CDK5: variants seen among roughly 807,000 people sequenced by gnomAD.
The protein encoded by CDK5 is cyclin-dependent kinase 5.
A neutral mutation model predicts 44.6 loss-of-function variants in CDK5; 18 were observed. That is an observed-to-expected ratio of 0.40 (90% confidence interval 0.28 to 0.60). CDK5 has a LOEUF of 0.60. Ranked by LOEUF, CDK5 falls within the 20% of genes least tolerant of loss-of-function variation. CDK5 has a pLI of 0.38. For missense variants in CDK5, 198 were observed against 368.1 expected (o/e 0.54, Z 3.78); for synonymous variants, 143 against 152.8 (o/e 0.94, Z 0.47).
In CDK5 at chr7:151,057,159, G is replaced by T; in HGVS notation, c.39C>A (p.Gly13=). Residue 13 remains glycine, a splice_region_variant and synonymous_variant, in exon 2 of 12, where the codon GGC becomes GGA. Transcript: ENST00000485972. The surrounding 1 kb of genome is among the most constrained non-coding windows in gnomAD (Gnocchi z 5.2). ...KYEKLEKIGE[G]TYGTVFKAKN... ...TGGCCTTGAACACAGTTCCGTAGGTGCCTAGGGGAAGGAGGTCAGGGGTCA... is the reference window on the plus strand; with the variant it reads ...TGGCCTTGAACACAGTTCCGTAGGTTCCTAGGGGAAGGAGGTCAGGGGTCA... 1 of 1,613,458 alleles carries T rather than the reference G, an allele frequency of 6.2e-7. No individual in the cohort carries two copies. Among genetic ancestry groups the T allele is most frequent in the Middle Eastern group, 1.7e-4 (1 of 6,060 alleles).
At position 151,054,198 on chromosome 7, in the gene CDK5, C is replaced by T; in HGVS notation, c.792+14G>A. 3 of 1,609,380 alleles carry T rather than the reference C, an allele frequency of 1.9e-6. No individual in the cohort carries two copies. Among genetic ancestry groups the T allele is most frequent in the Non-Finnish European group, 2.5e-6 (3 of 1,177,776 alleles). On this transcript the variant is annotated intron_variant, in intron 11 of 11. Transcript: ENST00000485972. The surrounding 1 kb of genome is among the most constrained non-coding windows in gnomAD (Gnocchi z 5.7). ...GCAAGTGTCCTGACCCACCCTCTAC[C>T]CCTGGTCACCTACCTGCAGCAGATC...
At position 151,055,776 on chromosome 7, in the gene CDK5, G is replaced by A; in HGVS notation, c.385C>T (p.Pro129Ser). ...SRNVLHRDLK[P>S]QNLLINRNGE... ...ACCCTGTTTATTAGCAGGTTCTGGG[G>A]CTTCAGGTCCCTGTGTAGCACATTG... Residue 129 changes from proline (P) to serine (S), a missense_variant, in exon 6 of 12, where the codon CCC becomes TCC. Physicochemically the swap from Pro to Ser is moderately conservative, Grantham distance 74. Transcript: ENST00000485972. 6.2e-7 allele frequency: 1 copy of A among 1,612,288 alleles called. No homozygotes were observed. Among genetic ancestry groups the A allele is most frequent in the South Asian group, 1.1e-5 (1 of 90,710 alleles).
At position 151,057,385 on chromosome 7, in the gene CDK5, C is replaced by T. The variant is rs1299775006; in HGVS notation, c.38-225G>A. The T allele has an allele frequency of 3.6e-5, 22 of 605,412 alleles. 1 individual carries two copies. The South Asian group carries it at 4.2e-4, about 12-fold the overall frequency. The allele number at this position is 605,412 out of a possible 1,614,324, so 37.5% of individuals were successfully genotyped here. A position where few individuals can be genotyped will look rare whatever the true frequency, so the allele number is the denominator to read the frequency against. On this transcript the variant is annotated intron_variant, in intron 1 of 11. Coordinates refer to ENST00000485972, the MANE Select transcript of CDK5 (RefSeq NM_004935.4). The surrounding 1 kb of genome is among the most constrained non-coding windows in gnomAD (Gnocchi z 5.2). Reference sequence around the variant, plus strand: ...CGGCAGGAGGGGCGAGTGCGGTTGCCAGGGCAAGGATGTCTAAAATGAAGG... The same window carrying T: ...CGGCAGGAGGGGCGAGTGCGGTTGCTAGGGCAAGGATGTCTAAAATGAAGG...
chr7:151,056,271 T>C lies in CDK5; in HGVS notation c.312+309A>G, dbSNP rs1796892073. ...TTGGTCTTGGGCCTAGAAAAGCACCTGGCACACAGTGAAGCATTCAGTAAG... is the reference window on the plus strand; with the variant it reads ...TTGGTCTTGGGCCTAGAAAAGCACCCGGCACACAGTGAAGCATTCAGTAAG... On this transcript the variant is annotated intron_variant, in intron 5 of 11. Coordinates refer to ENST00000485972, the MANE Select transcript of CDK5 (RefSeq NM_004935.4). This position sits in a 1 kb window ranked among gnomAD's most constrained non-coding sequence, Gnocchi z 4.7. 1 of 549,382 alleles carries C rather than the reference T, an allele frequency of 1.8e-6. No individual in the cohort carries two copies. The allele number at this position is 549,382 out of a possible 1,614,324, so 34.0% of individuals were successfully genotyped here.
chr7:151,055,259 A>C lies in CDK5; in HGVS notation c.580+18T>G, dbSNP rs1404213353. On this transcript the variant is annotated intron_variant, in intron 8 of 11. Coordinates refer to ENST00000485972, the MANE Select transcript of CDK5 (RefSeq NM_004935.4). ...CAAATGGGAAAGAAGGTGCCTCTGC[A>C]ACACCCCAGCACATCACCTGCAAAG... is the stretch of plus-strand genomic sequence containing the variant. 5 of 1,607,298 alleles carry C rather than the reference A, an allele frequency of 3.1e-6. No individual in the cohort carries two copies. The highest frequency in any genetic ancestry group is 4.3e-6 in the Non-Finnish European group (5 of 1,173,894).
In CDK5 at chr7:151,056,267, C is replaced by G; in HGVS notation, c.312+313G>C. On this transcript the variant is annotated intron_variant, in intron 5 of 11. Coordinates refer to ENST00000485972, the MANE Select transcript of CDK5 (RefSeq NM_004935.4). The surrounding 1 kb of genome is among the most constrained non-coding windows in gnomAD (Gnocchi z 4.7). ...GCATTTGGTCTTGGGCCTAGAAAAGCACCTGGCACACAGTGAAGCATTCAG... is the reference window on the plus strand; with the variant it reads ...GCATTTGGTCTTGGGCCTAGAAAAGGACCTGGCACACAGTGAAGCATTCAG... 5.5e-6 allele frequency: 3 copies of G among 544,316 alleles called. No individual in the cohort carries two copies. The highest frequency in any genetic ancestry group is 9.8e-6 in the Non-Finnish European group (3 of 305,306). The allele number at this position is 544,316 out of a possible 1,614,324, so 33.7% of individuals were successfully genotyped here.
rs1416079545 is a variant in CDK5, at chr7:151,056,195, G to A, written c.313-347C>T. 4 of 506,872 alleles carry A rather than the reference G, an allele frequency of 7.9e-6. No homozygotes were observed. The highest frequency in any genetic ancestry group is 5.2e-5 in the South Asian group (2 of 38,266). The allele number at this position is 506,872 out of a possible 1,614,324, so 31.4% of individuals were successfully genotyped here. A position where few individuals can be genotyped will look rare whatever the true frequency, so the allele number is the denominator to read the frequency against. On this transcript the variant is annotated intron_variant, in intron 5 of 11. Coordinates refer to ENST00000485972, the MANE Select transcript of CDK5 (RefSeq NM_004935.4). This position sits in a 1 kb window ranked among gnomAD's most constrained non-coding sequence, Gnocchi z 4.7. ...CGCCGTGAACATCAACATAAATATC[G>A]TGCTGTAGTATCATTCAGGACTGGC...
Position 151,057,246 on chromosome 7 carries a change from C to A in CDK5, c.38-86G>T. 9.9e-7 allele frequency: 1 copy of A among 1,012,488 alleles called. No individual in the cohort carries two copies. The highest frequency in any genetic ancestry group is 1.6e-6 in the Non-Finnish European group (1 of 631,946). The allele number at this position is 1,012,488 out of a possible 1,614,324, so 62.7% of individuals were successfully genotyped here. ...TGCCTCCTGAGAGAGGTGAAGGCAG[C>A]GTCTCAGTATGCAAGGGAAGGGATT... On this transcript the variant is annotated intron_variant, in intron 1 of 11. Transcript: ENST00000485972. The surrounding 1 kb of genome is among the most constrained non-coding windows in gnomAD (Gnocchi z 5.2).
In CDK5 at chr7:151,056,902, G is replaced by T; in HGVS notation, c.194+6C>A. 6.2e-7 allele frequency: 1 copy of T among 1,605,916 alleles called. No homozygotes were observed. On this transcript the variant is annotated splice_donor_region_variant and intron_variant, in intron 3 of 11. Coordinates refer to ENST00000485972, the MANE Select transcript of CDK5 (RefSeq NM_004935.4). The surrounding 1 kb of genome is among the most constrained non-coding windows in gnomAD (Gnocchi z 4.7). Reference sequence around the variant, plus strand: ...CACCGGCAAGGAGCACCCGCCTCCCGCACACCTGACGATGTTCTTGTGCTT... The same window carrying T: ...CACCGGCAAGGAGCACCCGCCTCCCTCACACCTGACGATGTTCTTGTGCTT...
rs754772887 is a variant in CDK5 at position 151,054,275 on chromosome 7, C to T, written c.729G>A (p.Pro243=). 1.5e-5 allele frequency: 25 copies of T among 1,613,620 alleles called. No homozygotes were observed. The highest frequency in any genetic ancestry group is 6.7e-5 in the Admixed American group (4 of 59,962). ...CGACGTTCACCAGGGATGTTGTGGC[C>T]GGGTACATCGGATAGGGCTGTGGAG... ...LPDYKPYPMY[P]ATTSLVNVVP... The change falls in exon 11 of 12, where the codon CCG becomes CCA. Residue 243 remains proline (P), a synonymous_variant. Coordinates refer to ENST00000485972, the MANE Select transcript of CDK5 (RefSeq NM_004935.4). This position sits in a 1 kb window ranked among gnomAD's most constrained non-coding sequence, Gnocchi z 5.7.
Position 151,056,366 on chromosome 7 carries a change from C to G in CDK5, c.312+214G>C. On this transcript the variant is annotated intron_variant, in intron 5 of 11. Coordinates refer to ENST00000485972, the MANE Select transcript of CDK5 (RefSeq NM_004935.4). The surrounding 1 kb of genome is among the most constrained non-coding windows in gnomAD (Gnocchi z 4.7). ...CATCTCTCGAGTGTAAATAATATCA[C>G]TGACATCAGAATGACACTGTGCGGG... The G allele has an allele frequency of 1.7e-6, 1 of 597,846 alleles. No homozygotes were observed. The highest frequency in any genetic ancestry group is 2.8e-5 in the East Asian group (1 of 36,290). 37.0% of individuals were successfully genotyped at this position (597,846 alleles called of 1,614,324 possible).
chr7:151,056,964 A>G lies in CDK5; in HGVS notation c.138T>C (p.Ser46=), dbSNP rs1796910043. The G allele has an allele frequency of 6.2e-7, 1 of 1,613,638 alleles. No homozygotes were observed. Among genetic ancestry groups the G allele is most frequent in the African/African-American group, 1.3e-5 (1 of 74,866 alleles). Residue 46 remains serine, a synonymous_variant, in exon 3 of 12, where the codon AGT becomes AGC. Transcript: ENST00000485972. The surrounding 1 kb of genome is among the most constrained non-coding windows in gnomAD (Gnocchi z 4.7). ...RLDDDDEGVP[S]SALREICLLK... is the part of the protein sequence containing the mutation. ...GTAGGCAGATCTCCCGGAGGGCGGA[A>G]CTCGGCACACCCTGCATATGTGAGG...
rs1796903096 is a variant in CDK5, at chr7:151,056,750, C to A, written c.241G>T (p.Glu81Ter). ...CCGCCTTTCACCTGGTCACAGAATTCAAAAACCAAAGTCAGCTTCTTGTCG... is the reference window on the plus strand; with the variant it reads ...CCGCCTTTCACCTGGTCACAGAATTAAAAAACCAAAGTCAGCTTCTTGTCG... The part of the protein sequence containing the change: ...HSDKKLTLVF[E>*]FCDQDLKKYF... The change falls in exon 4 of 12, where the codon GAA (glutamate) becomes TAA (stop). Residue 81 changes from glutamate (E) to a stop codon, truncating the protein, a stop_gained. Transcript: ENST00000485972. LOFTEE classifies it high-confidence loss of function. The surrounding 1 kb of genome is among the most constrained non-coding windows in gnomAD (Gnocchi z 4.7). The A allele has an allele frequency of 6.2e-7, 1 of 1,613,084 alleles. No homozygotes were observed. The highest frequency in any genetic ancestry group is 8.5e-7 in the Non-Finnish European group (1 of 1,179,548).
At position 151,053,981 on chromosome 7, in the gene CDK5, C is replaced by G. The variant is rs1404094024; in HGVS notation, c.*28G>C. 3 of 1,555,484 alleles carry G rather than the reference C, an allele frequency of 1.9e-6. No individual in the cohort carries two copies. The East Asian group carries it at 7.1e-5, about 37-fold the overall frequency. ...AGAGGGGGCTTAAATAGGCCAGGCCCCAGCCTGGAGGCCGGGGGTCCCGGG... is the reference window on the plus strand; with the variant it reads ...AGAGGGGGCTTAAATAGGCCAGGCCGCAGCCTGGAGGCCGGGGGTCCCGGG... On this transcript the variant is annotated 3_prime_UTR_variant, in exon 12 of 12. Coordinates refer to ENST00000485972, the MANE Select transcript of CDK5 (RefSeq NM_004935.4).
Position 151,055,618 on chromosome 7 carries a change from G to A in CDK5, c.409-12C>T. 1 of 1,612,758 alleles carries A rather than the reference G, an allele frequency of 6.2e-7. No individual in the cohort carries two copies. Among genetic ancestry groups the A allele is most frequent in the Non-Finnish European group, 8.5e-7 (1 of 1,179,110 alleles). ...TTCAGCTCCCCATTCTGAAGGGAATGGGAAGGGGACATGGAGAAGGGCCTT... is the reference window on the plus strand; with the variant it reads ...TTCAGCTCCCCATTCTGAAGGGAATAGGAAGGGGACATGGAGAAGGGCCTT... On this transcript the variant is annotated splice_polypyrimidine_tract_variant and intron_variant, in intron 6 of 11. Transcript: ENST00000485972.
chr7:151,055,767 G>A lies in CDK5; in HGVS notation c.394C>T (p.Leu132=). 1 of 1,611,506 alleles carries A rather than the reference G, an allele frequency of 6.2e-7. No homozygotes were observed. Among genetic ancestry groups the A allele is most frequent in the South Asian group, 1.1e-5 (1 of 90,662 alleles). Reference sequence around the variant, plus strand: ...CCAAGAAGTACCCTGTTTATTAGCAGGTTCTGGGGCTTCAGGTCCCTGTGT... The same window carrying A: ...CCAAGAAGTACCCTGTTTATTAGCAAGTTCTGGGGCTTCAGGTCCCTGTGT... ...VLHRDLKPQN[L]LINRNGELKL... is the part of the protein sequence containing the mutation. Residue 132 remains leucine (L), a synonymous_variant, in exon 6 of 12, where the codon CTG becomes TTG. Coordinates refer to ENST00000485972, the MANE Select transcript of CDK5 (RefSeq NM_004935.4).
Position 151,057,877 on chromosome 7 carries a change from C to A in CDK5, c.-29G>T. The A allele has an allele frequency of 6.3e-7, 1 of 1,597,824 alleles. No individual in the cohort carries two copies. Among genetic ancestry groups the A allele is most frequent in the Non-Finnish European group, 8.5e-7 (1 of 1,172,540 alleles). ...GGCGGCCGCGGGGACCCCTGCGGGC[C>A]CTCGGTTTTAAGACTCTGGCCCCGG... On this transcript the variant is annotated 5_prime_UTR_variant, in exon 1 of 12. Transcript: ENST00000485972. The surrounding 1 kb of genome is among the most constrained non-coding windows in gnomAD (Gnocchi z 5.2).
In CDK5 at chr7:151,057,674, G is replaced by A; in HGVS notation, c.37+138C>T. ...AAGACTGGTGTCTGCACGGAGTGCT[G>A]AGCTAGGGGGCCAGGGCTGCAGCCG... On this transcript the variant is annotated intron_variant, in intron 1 of 11. Transcript: ENST00000485972. The surrounding 1 kb of genome is among the most constrained non-coding windows in gnomAD (Gnocchi z 5.2). 3.3e-6 allele frequency: 3 copies of A among 903,072 alleles called. No homozygotes were observed. Among genetic ancestry groups the A allele is most frequent in the South Asian group, 1.4e-5 (1 of 71,090 alleles). 55.9% of individuals were successfully genotyped at this position (903,072 alleles called of 1,614,324 possible). A position where few individuals can be genotyped will look rare whatever the true frequency, so the allele number is the denominator to read the frequency against.
In CDK5 at chr7:151,055,561, C is replaced by T; in HGVS notation, c.454G>A (p.Gly152Arg). Residue 152 changes from glycine (G) to arginine (R), a missense_variant, in exon 7 of 12, where the codon GGG (glycine) becomes AGG (arginine). By Grantham distance (125) the Gly-to-Arg change is moderately radical (BLOSUM62 -2). Coordinates refer to ENST00000485972, the MANE Select transcript of CDK5 (RefSeq NM_004935.4). ...LADFGLARAF[G>R]IPVRCYSAEV... Reference sequence around the variant, plus strand: ...GCTGAGTAACAGCGGACGGGAATCCCAAAGGCTCGAGCCAGGCCAAAATCA... The same window carrying T: ...GCTGAGTAACAGCGGACGGGAATCCTAAAGGCTCGAGCCAGGCCAAAATCA... 1 of 1,613,838 alleles carries T rather than the reference C, an allele frequency of 6.2e-7. No homozygotes were observed. Among genetic ancestry groups the T allele is most frequent in the Non-Finnish European group, 8.5e-7 (1 of 1,179,878 alleles).
Sources: gnomAD v4.1 joint callset for allele counts on GRCh38, gnomAD v4.1.1 for gene constraint, Gnocchi (gnomAD v3.1) non-coding constraint, MANE v1.5 for transcripts, NCBI Gene and HGNC (gene_info 2026-07-23, HGNC 2026-07-21) for gene names.